ATG13: variants seen among roughly 807,000 people sequenced by gnomAD.
ATG13 encodes the protein autophagy related 13, also known as autophagy-related protein 13.
In ATG13, 23 loss-of-function variants were observed where a neutral mutation model predicts 65.5. That is an observed-to-expected ratio of 0.35 (90% CI 0.25 to 0.50). The LOEUF is 0.50. Ranked by LOEUF, ATG13 falls within the 20% of genes least tolerant of loss-of-function variation. The pLI is 0.98. For synonymous variants in ATG13, 252 were observed against 245.2 expected (o/e 1.03, Z -0.26); for missense variants, 566 against 677.0 (o/e 0.84, Z 1.82).
At chr11:46,648,276 A>G (rs2058154260) in intron 5 of ATG13, among the ~76,000 whole-genome samples, 1 of 151,920 alleles carries the variant, frequency 6.6e-6, no homozygotes, top group South Asian at 2.1e-4. Context: ...TTGTATTTTT[A>G]GTACAACTCC....
At chr11:46,627,975 C>T (rs1249303060) in intron 1 of ATG13, among the ~76,000 whole-genome samples, 2 of 151,612 alleles carry the variant, frequency 1.3e-5, no homozygotes, top group East Asian at 1.9e-4. Flanking sequence ...CCCAGCTACT[C>T]CTGAGGCTGA....
At position 46,644,345 on chromosome 11, in the gene ATG13, AT is replaced by A; in HGVS notation, c.60del (p.Phe20LeufsTer8). On this transcript the variant is annotated frameshift_variant, in exon 3 of 19. Transcript: ENST00000683050. LOFTEE classifies it high-confidence loss of function. Reference sequence around the variant, plus strand: ...GAAAGGACCTGGACAAGTTTATTAAATTTTTTGCCCTCAAGGTAATGTGTCC... The same window carrying A: ...GAAAGGACCTGGACAAGTTTATTAAATTTTTGCCCTCAAGGTAATGTGTCC... ...DRKDLDKFIKFFALKTVQVIV... is the reference protein window; with the variant it reads ...DRKDLDKFIKXFALKTVQVIV... 1 of 1,610,952 alleles carries A rather than the reference AT, an allele frequency of 6.2e-7. No homozygotes were observed. Among genetic ancestry groups the A allele is most frequent in the South Asian group, 1.1e-5 (1 of 90,426 alleles).
At chr11:46,665,102 A>C in intron 13 of ATG13, 143 bp downstream of exon 13, 1 of 908,400 alleles carries the variant, frequency 1.1e-6, no homozygotes, top group East Asian at 2.5e-5. Flanking sequence ...CAGAGACCAA[A>C]AGTGACTCGA....
chr11:46,623,717 C>T (rs895907153), intron 1 of ATG13, among the ~76,000 whole-genome samples: 3 of 152,014 alleles, frequency 2.0e-5, no homozygotes, highest in East Asian at 1.9e-4. Context: ...CCTGAGCCAC[C>T]GTGCCTGGCT....
intron 1 of ATG13, among the ~76,000 whole-genome samples, chr11:46,625,645 A>G (rs978070438): frequency 1.7e-4 from 26 of 152,254 alleles, no homozygotes; most frequent in Non-Finnish European, 1.0e-4. Flanking sequence ...AAAACAGGTT[A>G]TGGAAACCTG....
At chr11:46,650,153 T>C (rs1264079826) in intron 6 of ATG13, 24 bp from the exon 7 acceptor site, 1 of 1,610,798 alleles carries the variant, frequency 6.2e-7, no homozygotes, top group Non-Finnish European at 8.5e-7. Flanking sequence ...AGAAGAATGC[T>C]GACCATATCT....
chr11:46,625,269 C>CTTTTTTTTTTTTT (rs59095357), intron 1 of ATG13: 4 of 84,386 alleles, frequency 4.7e-5, no homozygotes, highest in Non-Finnish European at 6.7e-5. Flanking sequence ...CTTGCTCTTT[C>CTTTTTTTTTTTTT]TTTTTTTTTT....
intron 10 of ATG13, 91 bp downstream of exon 10, chr11:46,657,713 ACT>A: frequency 8.4e-7 from 1 of 1,191,576 alleles, no homozygotes; most frequent in East Asian, 2.5e-5. Context: ...CTCAGCACTC[ACT>A]CTCCAGTGGG....
At chr11:46,672,157 C>A in intron 18 of ATG13, 98 bp from the exon 19 acceptor site, 3 of 1,581,978 alleles carry the variant, frequency 1.9e-6, no homozygotes, top group Non-Finnish European at 1.7e-6. Flanking sequence ...TAGGGCTGAG[C>A]TTCGTCTTGC....
chr11:46,652,594 T>C (rs1288571569), intron 7 of ATG13, among the ~76,000 whole-genome samples: 8 of 152,026 alleles, frequency 5.3e-5, no homozygotes, highest in Non-Finnish European at 1.0e-4. Flanking sequence ...TTCACATCTG[T>C]AGTCCCAGCT....
intron 2 of ATG13, among the ~76,000 whole-genome samples, chr11:46,642,522 C>T (rs1565489727): frequency 6.6e-6 from 1 of 152,032 alleles, no homozygotes; most frequent in African/African-American, 2.4e-5. Flanking sequence ...CCAGGCTGGT[C>T]TCAAACTCCT....
intron 3 of ATG13, 56 bp from the exon 4 acceptor site, chr11:46,645,283 T>C: frequency 1.3e-6 from 2 of 1,501,688 alleles, no homozygotes; most frequent in East Asian, 4.6e-5. Flanking sequence ...GGGAGCCAGA[T>C]TAGTCTAAGA....
chr11:46,618,020 CCT>C, intron 1 of ATG13, 130 bp downstream of exon 1: 2 of 397,052 alleles, frequency 5.0e-6, no homozygotes, highest in Non-Finnish European at 8.9e-6. Flanking sequence ...CCCCTGGGCC[CCT>C]GAGTTTTCTG....
At position 46,664,885 on chromosome 11, in the gene ATG13, C is replaced by G; in HGVS notation, c.925C>G (p.Leu309Val). The G allele has an allele frequency of 6.2e-7, 1 of 1,613,992 alleles. No individual in the cohort carries two copies. The highest frequency in any genetic ancestry group is 8.5e-7 in the Non-Finnish European group (1 of 1,179,880). ...SSRLSYQPAA[L>V]GVGSADLAYP... Reference sequence around the variant, plus strand: ...TCGCCTTTCCTATCAGCCTGCTGCCCTGGGCGTTGGATCAGCTGACCTGGC... The same window carrying G: ...TCGCCTTTCCTATCAGCCTGCTGCCGTGGGCGTTGGATCAGCTGACCTGGC... Residue 309 changes from leucine to valine, a missense_variant, in exon 13 of 19, where the codon CTG (leucine) becomes GTG (valine). Leu to Val is a conservative substitution (Grantham distance 32). Coordinates refer to ENST00000683050, the MANE Select transcript of ATG13 (RefSeq NM_001346311.2).
intron 1 of ATG13, among the ~76,000 whole-genome samples, chr11:46,626,489 A>G (rs1016845996): frequency 6.6e-6 from 1 of 152,108 alleles, no homozygotes; most frequent in African/African-American, 2.4e-5. Context: ...ACCTCAGGTG[A>G]TCCGTCCGCC....
rs2060211915 is a variant in ATG13 at position 46,657,196 on chromosome 11, G to A, written c.596+5G>A. 2.5e-6 allele frequency: 4 copies of A among 1,609,008 alleles called. No homozygotes were observed. Among genetic ancestry groups the A allele is most frequent in the Non-Finnish European group, 3.4e-6 (4 of 1,175,706 alleles). On this transcript the variant is annotated splice_donor_5th_base_variant and intron_variant, in intron 9 of 18. Coordinates refer to ENST00000683050, the MANE Select transcript of ATG13 (RefSeq NM_001346311.2). ...CTTGGCATTCATGTCTACCAGGTGA[G>A]GAAGAGCCCTGGAATCCAAAAGAAC...
intron 7 of ATG13, among the ~76,000 whole-genome samples, chr11:46,650,870 C>A (rs1688319011): frequency 1.3e-5 from 2 of 152,174 alleles, no homozygotes; most frequent in Admixed American, 1.3e-4. Context: ...TCCCAAAGTG[C>A]TGGGATTATA....
chr11:46,643,092 A>G (rs1223057128), intron 2 of ATG13, among the ~76,000 whole-genome samples: 1 of 152,180 alleles, frequency 6.6e-6, no homozygotes, highest in African/African-American at 2.4e-5. Flanking sequence ...GTTGGTCAGC[A>G]TAGCCGAGTT....
At chr11:46,664,707 C>G (rs1451510997) in intron 12 of ATG13, 142 bp from the exon 13 acceptor site, 6 of 680,694 alleles carry the variant, frequency 8.8e-6, no homozygotes, top group Admixed American at 2.7e-5. Flanking sequence ...TAACCCCTAT[C>G]ACGTCAGGCC....
Sources: gnomAD v4.1 joint callset for allele counts (sites outside exome capture counted in the v4.1 genomes callset) on GRCh38, gnomAD v4.1.1 for gene constraint, MANE v1.5 for transcripts, NCBI Gene and HGNC (gene_info 2026-07-23, HGNC 2026-07-21) for gene names.